The following GATAD2B variants were observed in gnomAD, a reference collection of about 807,000 sequenced individuals.
The protein encoded by GATAD2B is GATA zinc finger domain containing 2B.
A neutral mutation model predicts 64.3 loss-of-function variants in GATAD2B; 8 were observed. That is an observed-to-expected ratio of 0.12 (90% CI 0.07 to 0.22). GATAD2B has a LOEUF of 0.22. Ranked by LOEUF, GATAD2B falls within the 10% of genes least tolerant of loss-of-function variation. The probability of loss-of-function intolerance (pLI) is 1.00; values close to 1 mark genes in which losing one functional copy is unlikely to be tolerated. For synonymous variants in GATAD2B, 281 were observed against 271.3 expected, an observed-to-expected ratio of 1.04 and a Z score of -0.35; for missense variants, 453 against 752.0, an observed-to-expected ratio of 0.60 and a Z score of 4.65.
chr1:153,855,560 C>G (rs1322786330), intron 1 of GATAD2B, among the ~76,000 whole-genome samples: 1 of 152,078 alleles, frequency 6.6e-6, no homozygotes, highest in Non-Finnish European at 1.5e-5. Flanking sequence ...TAAATTACCA[C>G]AAATTTAGTG....
At chr1:153,838,355 G>A (rs1214278237) in intron 1 of GATAD2B, among the ~76,000 whole-genome samples, 1 of 152,106 alleles carries the variant, frequency 6.6e-6, no homozygotes, top group African/African-American at 2.4e-5. Context: ...ATAGAAAGAT[G>A]TGCATATAAC....
In GATAD2B at chr1:153,808,796, G is replaced by A. The variant is rs1465534817; in HGVS notation, c.*1381C>T. 3.4e-5 allele frequency: 4 copies of A among 118,290 alleles called. No homozygotes were observed. The highest frequency in any genetic ancestry group is 3.0e-4 in the South Asian group (1 of 3,354). The allele number at this position is 118,290 out of a possible 1,614,324, so 7.3% of individuals were successfully genotyped here. A position where few individuals can be genotyped will look rare whatever the true frequency, so the allele number is the denominator to read the frequency against. On this transcript the variant is annotated 3_prime_UTR_variant, in exon 11 of 11. Transcript: ENST00000368655. ...TCAATTCATTCTCTACATTAGTAGCGCTTAAAAAAAAAAAAAAAAAAAAGG... is the reference window on the plus strand; with the variant it reads ...TCAATTCATTCTCTACATTAGTAGCACTTAAAAAAAAAAAAAAAAAAAAGG...
intron 1 of GATAD2B, chr1:153,853,288 GTA>G (rs1185421124): frequency 1.1e-6 from 1 of 875,860 alleles, no homozygotes; most frequent in Non-Finnish European, 1.9e-6. Flanking sequence ...CAGACTTCAA[GTA>G]GGACACTGGT....
Position 153,818,903 on chromosome 1 carries a change from C to T in GATAD2B, c.485G>A (p.Arg162Gln), listed in dbSNP as rs1159333000. Residue 162 changes from arginine (R) to glutamine (Q), a missense_variant, in exon 4 of 11, where the codon CGG becomes CAG. Arg to Gln is a conservative substitution (Grantham distance 43, BLOSUM62 1). This residue lies in a region of GATAD2B where 293 missense variants were observed against 417.2 expected (regional missense o/e 0.70). Coordinates refer to ENST00000368655, the MANE Select transcript of GATAD2B (RefSeq NM_020699.4). The stretch of plus-strand genomic sequence containing the variant: ...CCTCAGCTGCTTGATAAGCTGCTGC[C>T]GCTCCTCAATGCCTTTCCCCTAAGG... ...EMFKGKGIEE[R>Q]QQLIKQLRDE... The T allele has an allele frequency of 1.6e-5, 25 of 1,611,322 alleles. No individual in the cohort carries two copies. Among genetic ancestry groups the T allele is most frequent in the Non-Finnish European group, 1.9e-5 (22 of 1,179,842 alleles).
chr1:153,822,011 T>G (rs909638360), intron 2 of GATAD2B, among the ~76,000 whole-genome samples: 21 of 151,598 alleles, frequency 1.4e-4, no homozygotes, highest in African/African-American at 4.8e-4. Flanking sequence ...AGAAACCCTG[T>G]CTCTACTAAA....
chr1:153,823,967 T>C (rs1674779062), intron 2 of GATAD2B, among the ~76,000 whole-genome samples: 1 of 150,756 alleles, frequency 6.6e-6, no homozygotes, highest in Admixed American at 6.6e-5. Flanking sequence ...TGACCTCAGA[T>C]GATCCTCCCG....
chr1:153,897,896 G>A (rs1047554573), intron 1 of GATAD2B, among the ~76,000 whole-genome samples: 18 of 149,644 alleles, frequency 1.2e-4, no homozygotes, highest in Admixed American at 6.7e-5. Flanking sequence ...CTGTAATCCC[G>A]ATGCTTTGGA....
At position 153,816,627 on chromosome 1, in the gene GATAD2B, G is replaced by C. The variant is rs1267086961; in HGVS notation, c.901-39C>G. On this transcript the variant is annotated intron_variant, in intron 6 of 10. Coordinates refer to ENST00000368655, the MANE Select transcript of GATAD2B (RefSeq NM_020699.4). This position sits in a 1 kb window ranked among gnomAD's most constrained non-coding sequence, Gnocchi z 4.9. ...AGAATGCGGTCAATCATGGTATGCAGGAGAAAGGGCCAATTCTTACGTTCT... is the reference window on the plus strand; with the variant it reads ...AGAATGCGGTCAATCATGGTATGCACGAGAAAGGGCCAATTCTTACGTTCT... 1 of 1,385,846 alleles carries C rather than the reference G, an allele frequency of 7.2e-7. No homozygotes were observed. The highest frequency in any genetic ancestry group is 1.0e-6 in the Non-Finnish European group (1 of 982,948). The allele number at this position is 1,385,846 out of a possible 1,614,324, so 85.8% of individuals were successfully genotyped here.
chr1:153,841,983 G>A (rs920955196), intron 1 of GATAD2B, among the ~76,000 whole-genome samples: 12 of 152,084 alleles, frequency 7.9e-5, no homozygotes, highest in African/African-American at 2.4e-4. Flanking sequence ...TTATTTAATA[G>A]ATGGGGTCTC....
chr1:153,828,940 T>C (rs190505255), intron 1 of GATAD2B, among the ~76,000 whole-genome samples: 1 of 152,282 alleles, frequency 6.6e-6, no homozygotes, highest in Admixed American at 6.5e-5. Flanking sequence ...ACATGGTGGC[T>C]CAACTTGTAT....
intron 2 of GATAD2B, among the ~76,000 whole-genome samples, chr1:153,822,362 AC>A (rs1255376532): frequency 6.6e-6 from 1 of 152,206 alleles, no homozygotes; most frequent in Non-Finnish European, 1.5e-5. Flanking sequence ...ACTGCCCAGT[AC>A]CAAGACAGAG....
At chr1:153,810,333 G>A (rs1274004319) in intron 10 of GATAD2B, 23 bp from the exon 11 acceptor site, 2 of 1,609,944 alleles carry the variant, frequency 1.2e-6, no homozygotes, top group African/African-American at 2.7e-5. Flanking sequence ...GACAAAAGTG[G>A]AGGGCAGGTA....
chr1:153,883,230 A>T (rs1421234800), intron 1 of GATAD2B, among the ~76,000 whole-genome samples: 1 of 152,210 alleles, frequency 6.6e-6, no homozygotes, highest in Non-Finnish European at 1.5e-5. Flanking sequence ...CTACGCAAAA[A>T]TATTATTTCT....
In GATAD2B at chr1:153,922,744, G is replaced by C. The variant is rs1013804615; in HGVS notation, c.-13C>G. 1 of 152,364 alleles carries C rather than the reference G, an allele frequency of 6.6e-6. No individual in the cohort carries two copies. Among genetic ancestry groups the C allele is most frequent in the African/African-American group, 2.4e-5 (1 of 41,274 alleles). The allele number at this position is 152,364 out of a possible 1,614,324, so 9.4% of individuals were successfully genotyped here. On this transcript the variant is annotated 5_prime_UTR_variant, in exon 1 of 11. Coordinates refer to ENST00000368655, the MANE Select transcript of GATAD2B (RefSeq NM_020699.4). The stretch of plus-strand genomic sequence containing the variant: ...CCAAAGCTCCTCACCTGGCGGTGGC[G>C]GTGTAACTCCCGGCTAGCTCGCCTC...
chr1:153,861,997 T>C (rs1290523915), intron 1 of GATAD2B, among the ~76,000 whole-genome samples: 2 of 150,280 alleles, frequency 1.3e-5, no homozygotes, highest in Non-Finnish European at 3.0e-5. Context: ...ATGTGAATAA[T>C]AAGCTCCCTG....
At chr1:153,871,853 G>A (rs1243082111) in intron 1 of GATAD2B, among the ~76,000 whole-genome samples, 1 of 152,178 alleles carries the variant, frequency 6.6e-6, no homozygotes, top group Non-Finnish European at 1.5e-5. Flanking sequence ...GGGGGGCTGA[G>A]GCAGGAGGAT....
intron 1 of GATAD2B, among the ~76,000 whole-genome samples, chr1:153,881,831 T>G (rs1422652556): frequency 6.6e-6 from 1 of 151,764 alleles, no homozygotes; most frequent in African/African-American, 2.4e-5. Flanking sequence ...AGGGTCCCCT[T>G]TCTTTCTCTG....
intron 1 of GATAD2B, among the ~76,000 whole-genome samples, chr1:153,904,728 CAG>C (rs913243179): frequency 5.1e-4 from 77 of 151,354 alleles, no homozygotes; most frequent in African/African-American, 1.7e-3. Context: ...TTTTCTCAGA[CAG>C]AGTCTCTTGC....
intron 1 of GATAD2B, among the ~76,000 whole-genome samples, chr1:153,841,440 A>ATC (rs1375629679): frequency 6.6e-6 from 1 of 152,108 alleles, no homozygotes; most frequent in Non-Finnish European, 1.5e-5. Flanking sequence ...CATCTACCCT[A>ATC]TCCCCTCCCA....
Sources: allele counts gnomAD v4.1 joint callset (sites outside exome capture counted in the v4.1 genomes callset), GRCh38; gene constraint gnomAD v4.1.1; regional missense constraint gnomAD v4.1.1; non-coding constraint Gnocchi (gnomAD v3.1); transcripts MANE v1.5; gene names NCBI Gene and HGNC (gene_info 2026-07-23, HGNC 2026-07-21).